Variants in KLF8 observed in about 807,000 individuals in gnomAD.
KLF8 encodes Krueppel-like factor 8.
In KLF8, 10 loss-of-function variants were observed where a neutral mutation model predicts 18.2. The observed-to-expected ratio is 0.55, with a 90% CI of 0.34 to 0.93. The LOEUF (loss-of-function observed/expected upper bound fraction) is 0.93. Ranked by LOEUF, KLF8 falls within the 40% of genes least tolerant of loss-of-function variation. The pLI is 0.02. For synonymous variants in KLF8, 109 were observed against 97.3 expected, an observed-to-expected ratio of 1.12 and a Z score of -0.71; for missense variants, 264 against 277.9, an observed-to-expected ratio of 0.95 and a Z score of 0.36.
the KLF8 span, among the ~76,000 whole-genome samples, chrX:56,120,276 G>A: frequency 9.0e-6 from 1 of 111,521 alleles, no homozygotes; most frequent in African/African-American, 3.3e-5. Context: ...AATGTCCAGG[G>A]ACTTCAAGCT....
the KLF8 span, among the ~76,000 whole-genome samples, chrX:56,131,108 T>G: frequency 9.0e-6 from 1 of 111,706 alleles, no homozygotes; most frequent in Non-Finnish European, 1.9e-5. Flanking sequence ...TTGCTAGAGA[T>G]CTAGACATCC....
the KLF8 span, among the ~76,000 whole-genome samples, chrX:56,210,662 A>T: frequency 9.0e-6 from 1 of 110,512 alleles, no homozygotes; most frequent in Non-Finnish European, 1.9e-5. Flanking sequence ...CTTTAAGGCC[A>T]GTTACTCTTA....
chrX:55,960,653 GAGA>G, the KLF8 span, among the ~76,000 whole-genome samples: 26 of 110,253 alleles, frequency 2.4e-4, no homozygotes, highest in Non-Finnish European at 4.0e-4. Context: ...GAAGGAGAAG[GAGA>G]AGAAGAAGAA....
In KLF8 at chrX:56,284,247, A is replaced by T. The variant is rs184612387; in HGVS notation, c.899-66A>T. On this transcript the variant is annotated intron_variant, in intron 5 of 5. Transcript: ENST00000468660. ...AGCCTTGATACGAGTTATGTATTCT[A>T]TTATCTTTCTAGTATCCGATCATCC... 43 of 872,104 alleles carry T rather than the reference A, an allele frequency of 4.9e-5. No homozygotes were observed. The East Asian group carries it at 1.5e-3, about 31-fold the overall frequency. The allele number at this position is 872,104 out of a possible 1,213,427, so 71.9% of individuals were successfully genotyped here. A position where few individuals can be genotyped will look rare whatever the true frequency, so the allele number is the denominator to read the frequency against.
the KLF8 span, among the ~76,000 whole-genome samples, chrX:56,080,237 C>G: frequency 2.7e-5 from 3 of 110,076 alleles, no homozygotes; most frequent in East Asian, 2.8e-4. Context: ...CAGTTTCTTC[C>G]TAGTCTCGAT....
At chrX:56,060,006 G>T in the KLF8 span, among the ~76,000 whole-genome samples, 1 of 111,406 alleles carries the variant, frequency 9.0e-6, no homozygotes, top group Admixed American at 9.6e-5. Context: ...TTTTCCAATT[G>T]TTTGTGTCCT....
the KLF8 span, among the ~76,000 whole-genome samples, chrX:56,050,525 A>G: frequency 8.9e-6 from 1 of 111,805 alleles, no homozygotes; most frequent in South Asian, 3.7e-4. Flanking sequence ...TTTGTTATGT[A>G]CCCAGTAGTC....
chrX:56,189,087 T>C, the KLF8 span, among the ~76,000 whole-genome samples: 1 of 111,441 alleles, frequency 9.0e-6, no homozygotes, highest in Non-Finnish European at 1.9e-5. Context: ...ACAGGCAGCA[T>C]ACAAAATGGG....
chrX:56,057,408 C>G, the KLF8 span, among the ~76,000 whole-genome samples: 19 of 111,291 alleles, frequency 1.7e-4, no homozygotes, highest in African/African-American at 5.6e-4. Flanking sequence ...GGTGCACTGA[C>G]AAACCAAGGA....
chrX:56,137,006 G>T, the KLF8 span, among the ~76,000 whole-genome samples: 1 of 111,867 alleles, frequency 8.9e-6, no homozygotes, highest in African/African-American at 3.2e-5. Flanking sequence ...ATGAAAAAAT[G>T]CTCATCATCA....
At chrX:56,062,262 G>A in the KLF8 span, among the ~76,000 whole-genome samples, 1 of 110,786 alleles carries the variant, frequency 9.0e-6, no homozygotes, top group South Asian at 3.7e-4. Context: ...TAGTGTCAAT[G>A]GTCTTTACAA....
the KLF8 span, among the ~76,000 whole-genome samples, chrX:55,987,534 C>T: frequency 3.6e-5 from 4 of 111,765 alleles, no homozygotes; most frequent in Non-Finnish European, 5.6e-5. Context: ...ATGAACTCAT[C>T]ATTTTTTATG....
At chrX:55,941,415 C>G in the KLF8 span, among the ~76,000 whole-genome samples, 1 of 111,653 alleles carries the variant, frequency 9.0e-6, no homozygotes. Context: ...ACCATAAAAA[C>G]CCTAGAAGAA....
At chrX:56,049,331 C>T in the KLF8 span, among the ~76,000 whole-genome samples, 1 of 111,602 alleles carries the variant, frequency 9.0e-6, no homozygotes, top group Non-Finnish European at 1.9e-5. Flanking sequence ...GAGAAGGCAT[C>T]CCTGTCTTGT....
the KLF8 span, among the ~76,000 whole-genome samples, chrX:56,044,756 A>G: frequency 1.8e-5 from 2 of 112,151 alleles, no homozygotes; most frequent in African/African-American, 6.5e-5. Flanking sequence ...ACCCATTGCC[A>G]TTGGCTGGAT....
chrX:55,967,608 A>G, the KLF8 span, among the ~76,000 whole-genome samples: 1 of 111,980 alleles, frequency 8.9e-6, no homozygotes, highest in African/African-American at 3.2e-5. Flanking sequence ...ACAAGAAATG[A>G]TAGAGAGAAT....
At chrX:56,237,040 A>C (rs1333295419) in intron 1 of KLF8, among the ~76,000 whole-genome samples, 1 of 106,254 alleles carries the variant, frequency 9.4e-6, no homozygotes, top group Admixed American at 1.0e-4. Flanking sequence ...ATTTAAGTGA[A>C]ATCTGATTTT....
chrX:56,033,493 C>A, the KLF8 span, among the ~76,000 whole-genome samples: 71 of 111,364 alleles, frequency 6.4e-4, no homozygotes, highest in Admixed American at 1.7e-3. Flanking sequence ...TGCAGACATC[C>A]CTTCTACATA....
the KLF8 span, among the ~76,000 whole-genome samples, chrX:56,159,603 G>C: frequency 8.9e-6 from 1 of 112,060 alleles, no homozygotes; most frequent in Non-Finnish European, 1.9e-5. Context: ...ACTTCTTCCT[G>C]GTTTAGTCTT....
Sources: allele counts gnomAD v4.1 joint callset (sites outside exome capture counted in the v4.1 genomes callset), GRCh38; gene constraint gnomAD v4.1.1; transcripts MANE v1.5; gene names NCBI Gene and HGNC (gene_info 2026-07-23, HGNC 2026-07-21).